CR1: variants seen among roughly 807,000 people sequenced by gnomAD.
The protein encoded by CR1 is complement receptor type 1.
In CR1, 116 loss-of-function variants were observed where a neutral mutation model predicts 187.3. That is an observed-to-expected ratio of 0.62 (90% confidence interval 0.53 to 0.72). The LOEUF (loss-of-function observed/expected upper bound fraction) is 0.72, where lower values mean the gene tolerates loss of function less well. Ranked by LOEUF, CR1 falls within the 30% of genes least tolerant of loss-of-function variation. The pLI, the probability that CR1 is intolerant of heterozygous loss-of-function variation, is 0.00. For synonymous variants in CR1, 576 were observed against 747.1 expected, an observed-to-expected ratio of 0.77 and a Z score of 3.73; for missense variants, 1,731 against 2,110.7, an observed-to-expected ratio of 0.82 and a Z score of 3.52.
rs1365899234 is a variant in CR1 at position 207,578,064 on chromosome 1, A to G, written c.4797A>G (p.Val1599=). The G allele has an allele frequency of 7.4e-6, 12 of 1,611,640 alleles. No homozygotes were observed. In the Admixed American group the frequency reaches 1.7e-4, roughly 22 times the overall value. Residue 1599 remains valine (V), a synonymous_variant, in exon 29 of 47, where the codon GTA becomes GTG. Coordinates refer to ENST00000367049, the MANE Select transcript of CR1 (RefSeq NM_000651.6). ...TPPNVENGIL[V]SDNRSLFSLN... ...CAAATGTGGAAAATGGAATATTGGT[A>G]TCTGACAACAGAAGCTTATTTTCCT...
chr1:207,638,245 T>C (rs1338046691), intron 46 of CR1, among the ~76,000 whole-genome samples: 1 of 152,254 alleles, frequency 6.6e-6, no homozygotes, highest in African/African-American at 2.4e-5. Flanking sequence ...TGGAAAGCTT[T>C]ACTACAGTAT....
At position 207,496,250 on chromosome 1, in the gene CR1, T is replaced by C. The variant is rs1659075428; in HGVS notation, c.-18T>C. The C allele has an allele frequency of 1.9e-6, 3 of 1,613,800 alleles. No individual in the cohort carries two copies. The highest frequency in any genetic ancestry group is 1.7e-6 in the Non-Finnish European group (2 of 1,179,818). On this transcript the variant is annotated 5_prime_UTR_variant, in exon 1 of 47. Transcript: ENST00000367049. ...TTTCTTCGAGATCAAATCTGGTTTG[T>C]AGATGTGCTTGGGGAGAATGGGGGC... is the stretch of plus-strand genomic sequence containing the variant.
At chr1:207,609,770 A>T in intron 37 of CR1, 82 bp downstream of exon 37, 1 of 1,374,990 alleles carries the variant, frequency 7.3e-7, no homozygotes, top group Non-Finnish European at 9.5e-7. Flanking sequence ...GAAGAAGTGT[A>T]TAAGGACTAT....
chr1:207,578,423 A>C (rs1660835899), intron 29 of CR1, among the ~76,000 whole-genome samples: 1 of 152,212 alleles, frequency 6.6e-6, no homozygotes, highest in Non-Finnish European at 1.5e-5. Flanking sequence ...GAAAAAAGCT[A>C]TTTTGGACTC....
rs1662476525 is a variant in CR1 at position 207,626,310 on chromosome 1, A to C, written c.7352+3242A>C. Among the ~76,000 whole-genome samples, 4 of 152,234 alleles carry C rather than the reference A, an allele frequency of 2.6e-5. No homozygotes were observed. The South Asian group carries it at 8.3e-4, about 32-fold the overall frequency. On this transcript the variant is annotated intron_variant, in intron 45 of 46. Transcript: ENST00000367049. ...CTGGGAAAAAGAAGTAATAAACTTA[A>C]ATAATCAGAAGGCAGAGGTCCCTTC...
intron 37 of CR1, among the ~76,000 whole-genome samples, chr1:207,611,406 A>G (rs1044406427): frequency 6.6e-6 from 1 of 152,186 alleles, no homozygotes; most frequent in Non-Finnish European, 1.5e-5. Flanking sequence ...CAGTAGTTGA[A>G]AGCAAGAGGA....
At chr1:207,582,254 T>C (rs1660980349) in intron 32 of CR1, among the ~76,000 whole-genome samples, 1 of 152,156 alleles carries the variant, frequency 6.6e-6, no homozygotes, top group East Asian at 1.9e-4. Context: ...TTCATAGAAA[T>C]AAATGTATGG....
At chr1:207,500,274 AATTT>A (rs1344934141) in intron 1 of CR1, among the ~76,000 whole-genome samples, 6 of 152,188 alleles carry the variant, frequency 3.9e-5, no homozygotes, top group Non-Finnish European at 8.8e-5. Flanking sequence ...TGAGGCATAT[AATTT>A]ATGTTCGTGT....
intron 34 of CR1, among the ~76,000 whole-genome samples, chr1:207,588,242 G>A (rs749625391): frequency 5.9e-5 from 9 of 152,114 alleles, no homozygotes; most frequent in Non-Finnish European, 1.3e-4. Context: ...GTAGTGGCGC[G>A]ATCTTGGCTG....
chr1:207,623,080 C>G lies in CR1; in HGVS notation c.7352+12C>G. 6.5e-7 allele frequency: 1 copy of G among 1,536,148 alleles called. No individual in the cohort carries two copies. Among genetic ancestry groups the G allele is most frequent in the Non-Finnish European group, 8.9e-7 (1 of 1,125,694 alleles). Reference sequence around the variant, plus strand: ...AAGCACAGAAAAGGGTAAGTATAGCCATATTATCCCAAGAAATGTAAACTG... The same window carrying G: ...AAGCACAGAAAAGGGTAAGTATAGCGATATTATCCCAAGAAATGTAAACTG... On this transcript the variant is annotated intron_variant, in intron 45 of 46. Transcript: ENST00000367049.
intron 4 of CR1, among the ~76,000 whole-genome samples, chr1:207,522,928 T>C (rs1660043350): frequency 6.6e-6 from 1 of 152,224 alleles, no homozygotes; most frequent in Admixed American, 6.5e-5. Context: ...TGTGGACTAA[T>C]ATATGATCAC....
At chr1:207,497,820 C>T (rs1032478120) in intron 1 of CR1, among the ~76,000 whole-genome samples, 3 of 152,144 alleles carry the variant, frequency 2.0e-5, no homozygotes, top group Admixed American at 2.0e-4. Flanking sequence ...CTGAGGTTAT[C>T]ACAATAACTT....
chr1:207,599,880 T>C (rs781736738), intron 35 of CR1, among the ~76,000 whole-genome samples: 4 of 152,210 alleles, frequency 2.6e-5, no homozygotes, highest in Non-Finnish European at 5.9e-5. Context: ...AGTGAATATA[T>C]AGGTTATACA....
chr1:207,605,437 T>C (rs1280956486), intron 35 of CR1, among the ~76,000 whole-genome samples: 1 of 152,034 alleles, frequency 6.6e-6, no homozygotes, highest in Admixed American at 6.6e-5. Flanking sequence ...CAGAAACATA[T>C]ATCAAAACAC....
At chr1:207,519,596 T>A (rs1256216006) in intron 4 of CR1, among the ~76,000 whole-genome samples, 5 of 152,150 alleles carry the variant, frequency 3.3e-5, no homozygotes, top group Non-Finnish European at 7.3e-5. Context: ...ATTTATGTCC[T>A]CCCCCTCTTT....
At chr1:207,516,315 G>A (rs961177080) in intron 4 of CR1, among the ~76,000 whole-genome samples, 2 of 152,160 alleles carry the variant, frequency 1.3e-5, no homozygotes, top group Non-Finnish European at 2.9e-5. Flanking sequence ...GTGACCTTAT[G>A]AGTGGATCTC....
Position 207,505,951 on chromosome 1 carries a change from C to T in CR1, c.169C>T (p.Leu57=). 6.2e-7 allele frequency: 1 copy of T among 1,613,998 alleles called. No individual in the cohort carries two copies. Among genetic ancestry groups the T allele is most frequent in the Non-Finnish European group, 8.5e-7 (1 of 1,179,880 alleles). ...EWLPFARPTN[L]TDEFEFPIGT... ...GCTTCCATTTGCCAGGCCTACCAAC[C>T]TAACTGATGAATTTGAGTTTCCCAT... The change falls in exon 2 of 47, where the codon CTA becomes TTA. Residue 57 remains leucine, a synonymous_variant. Transcript: ENST00000367049.
intron 33 of CR1, among the ~76,000 whole-genome samples, chr1:207,586,928 A>G (rs1232069666): frequency 2.0e-5 from 3 of 152,208 alleles, no homozygotes; most frequent in Non-Finnish European, 4.4e-5. Flanking sequence ...GGAGAACATC[A>G]TTCAACTCAC....
chr1:207,588,834 C>T, intron 35 of CR1, 60 bp downstream of exon 35: 1 of 1,204,644 alleles, frequency 8.3e-7, no homozygotes, highest in Non-Finnish European at 1.2e-6. Flanking sequence ...CAACTTCTGA[C>T]CCAGTCTCAG....
Sources: allele counts gnomAD v4.1 joint callset (sites outside exome capture counted in the v4.1 genomes callset), GRCh38; gene constraint gnomAD v4.1.1; transcripts MANE v1.5; gene names NCBI Gene and HGNC (gene_info 2026-07-23, HGNC 2026-07-21).